Variants in AKAP10 observed in about 807,000 individuals in gnomAD.
The protein encoded by AKAP10 is A-kinase anchoring protein 10, also known as A-kinase anchor protein 10, mitochondrial.
A neutral mutation model predicts 80.8 loss-of-function variants in AKAP10; 24 were observed. The ratio of observed to expected loss-of-function variants is 0.30; its 90% CI spans 0.22 to 0.42. The LOEUF (loss-of-function observed/expected upper bound fraction) is 0.42, where lower values mean the gene tolerates loss of function less well. Ranked by LOEUF, AKAP10 falls within the 10% of genes least tolerant of loss-of-function variation. The pLI is 1.00. For missense variants in AKAP10, 661 were observed against 794.9 expected, an observed-to-expected ratio of 0.83 and a Z score of 2.03; for synonymous variants, 291 against 277.7, an observed-to-expected ratio of 1.05 and a Z score of -0.48.
At chr17:19,969,775 T>C (rs543034992) in intron 1 of AKAP10, among the ~76,000 whole-genome samples, 13 of 152,170 alleles carry the variant, frequency 8.5e-5, no homozygotes, top group African/African-American at 3.1e-4. Context: ...CTTCAAAAAG[T>C]CTACATTCAA....
In AKAP10 at chr17:19,976,215, G is replaced by A. The variant is rs1393563501; in HGVS notation, c.88+1377C>T. Among the ~76,000 whole-genome samples the A allele has an allele frequency of 2.6e-5, 4 of 152,002 alleles. No individual in the cohort carries two copies. In the East Asian group the frequency reaches 5.8e-4, roughly 22 times the overall value. On this transcript the variant is annotated intron_variant, in intron 1 of 14. Coordinates refer to ENST00000225737, the MANE Select transcript of AKAP10 (RefSeq NM_007202.4). ...CCAAAACCCATTTCTGGCTGGCCGC[G>A]GTGGCTCATGCCTGTAATCCTGGCA... is the stretch of plus-strand genomic sequence containing the variant.
intron 10 of AKAP10, among the ~76,000 whole-genome samples, chr17:19,925,623 A>T (rs1176953758): frequency 1.3e-5 from 2 of 152,206 alleles, no homozygotes; most frequent in Admixed American, 6.5e-5. Context: ...AAAATAAAAG[A>T]CATAAACAAG....
chr17:19,946,250 T>C (rs1418876481), intron 5 of AKAP10, among the ~76,000 whole-genome samples: 2 of 20,088 alleles, frequency 1.0e-4, no homozygotes, highest in Non-Finnish European at 1.8e-4. Context: ...TATATATATA[T>C]ATATATATAT....
intron 1 of AKAP10, among the ~76,000 whole-genome samples, chr17:19,976,319 C>T (rs1440951094): frequency 1.3e-5 from 2 of 151,840 alleles, no homozygotes; most frequent in Non-Finnish European, 2.9e-5. Flanking sequence ...CCCGTTTCTA[C>T]TAAAAATACA....
In AKAP10 at chr17:19,946,219, A is replaced by T. The variant is rs866643024; in HGVS notation, c.976+1188T>A. Among the ~76,000 whole-genome samples the T allele has an allele frequency of 2.1e-3, 55 of 26,700 alleles. 5 individuals carry two copies. The highest frequency in any genetic ancestry group is 7.0e-3 in the East Asian group (3 of 430). The allele number at this position is 26,700 out of a possible 152,430, so 17.5% of individuals were successfully genotyped here. On this transcript the variant is annotated intron_variant, in intron 5 of 14. Transcript: ENST00000225737. ...ATACATATATTTTATATATATATAT[A>T]TTTTATATATATATATATTATATAT... is the stretch of plus-strand genomic sequence containing the variant.
chr17:19,927,161 A>C (rs1399226518), intron 10 of AKAP10, among the ~76,000 whole-genome samples: 1 of 152,076 alleles, frequency 6.6e-6, no homozygotes, highest in Non-Finnish European at 1.5e-5. Context: ...ACACAGTAAG[A>C]TCTGTCTCTA....
intron 8 of AKAP10, among the ~76,000 whole-genome samples, chr17:19,937,264 G>T (rs2043002397): frequency 6.6e-6 from 1 of 152,218 alleles, no homozygotes; most frequent in Non-Finnish European, 1.5e-5. Context: ...CACTTTGGGA[G>T]GCAGTGGTGG....
chr17:19,962,734 TC>T lies in AKAP10; in HGVS notation c.319+105del. The T allele has an allele frequency of 5.0e-6, 6 of 1,191,570 alleles. No homozygotes were observed. The South Asian group carries it at 1.1e-4, about 21-fold the overall frequency. The allele number at this position is 1,191,570 out of a possible 1,614,324, so 73.8% of individuals were successfully genotyped here. A position where few individuals can be genotyped will look rare whatever the true frequency, so the allele number is the denominator to read the frequency against. ...TAGCTGTTATTTTAAATACATTTTT[TC>T]CAAAGCACTTTCCAATTATATAGTT... On this transcript the variant is annotated intron_variant, in intron 3 of 14. Coordinates refer to ENST00000225737, the MANE Select transcript of AKAP10 (RefSeq NM_007202.4).
intron 11 of AKAP10, among the ~76,000 whole-genome samples, chr17:19,923,844 C>T (rs1438206336): frequency 6.6e-6 from 1 of 152,158 alleles, no homozygotes; most frequent in Non-Finnish European, 1.5e-5. Context: ...TTACTTTCTA[C>T]TGAAAGTAAT....
At chr17:19,916,993 G>A (rs944054478) in intron 12 of AKAP10, among the ~76,000 whole-genome samples, 1 of 151,576 alleles carries the variant, frequency 6.6e-6, no homozygotes, top group South Asian at 2.1e-4. Context: ...GGCCAGGCAC[G>A]GTGGCTCACG....
intron 5 of AKAP10, among the ~76,000 whole-genome samples, chr17:19,946,325 G>T: frequency 9.5e-6 from 1 of 104,886 alleles, no homozygotes; most frequent in Non-Finnish European, 1.8e-5. Context: ...CATAAGAGAA[G>T]GCTGGTCCCA....
intron 3 of AKAP10, among the ~76,000 whole-genome samples, chr17:19,962,421 T>C (rs988166075): frequency 6.6e-6 from 1 of 152,136 alleles, no homozygotes; most frequent in Non-Finnish European, 1.5e-5. Flanking sequence ...TCCAAATTGC[T>C]TTCCAAAGAG....
At chr17:19,971,133 G>C (rs1429783900) in intron 1 of AKAP10, among the ~76,000 whole-genome samples, 1 of 151,672 alleles carries the variant, frequency 6.6e-6, no homozygotes, top group East Asian at 2.0e-4. Flanking sequence ...TTACAGGTGT[G>C]AGCCACCACA....
At chr17:19,962,291 CATAT>C (rs747097698) in intron 3 of AKAP10, among the ~76,000 whole-genome samples, 231 of 103,112 alleles carry the variant, frequency 2.2e-3, no homozygotes, top group East Asian at 8.9e-3. Context: ...TACATACATA[CATAT>C]ACACACACAC....
chr17:19,947,585 C>T (rs776837008), intron 4 of AKAP10, 80 bp from the exon 5 acceptor site: 10 of 936,164 alleles, frequency 1.1e-5, no homozygotes, highest in Non-Finnish European at 1.7e-5. Context: ...AATAGCAGGG[C>T]TTAGATCACT....
At chr17:19,911,696 G>T (rs1419932550) in intron 12 of AKAP10, among the ~76,000 whole-genome samples, 1 of 151,636 alleles carries the variant, frequency 6.6e-6, no homozygotes, top group Non-Finnish European at 1.5e-5. Context: ...TTAGCCAGGC[G>T]TGGTGGTGCA....
intron 5 of AKAP10, among the ~76,000 whole-genome samples, chr17:19,946,260 TATATATATATA>T (rs2043122845): frequency 7.2e-5 from 2 of 27,830 alleles, no homozygotes; most frequent in Non-Finnish European, 1.3e-4. Context: ...TATATATATA[TATATATATATA>T]TATATTTTTT....
intron 4 of AKAP10, among the ~76,000 whole-genome samples, chr17:19,953,712 T>C (rs965932225): frequency 2.0e-5 from 3 of 152,174 alleles, no homozygotes; most frequent in Non-Finnish European, 4.4e-5. Flanking sequence ...TCTGAATTCA[T>C]AGTTTAAAAT....
chr17:19,963,720 C>A (rs1197508759), intron 2 of AKAP10, among the ~76,000 whole-genome samples: 5 of 151,870 alleles, frequency 3.3e-5, no homozygotes, highest in Non-Finnish European at 7.4e-5. Flanking sequence ...CATGGTGAAA[C>A]CCTGTCTCTA....
Sources: gnomAD v4.1 joint callset for allele counts (sites outside exome capture counted in the v4.1 genomes callset) on GRCh38, gnomAD v4.1.1 for gene constraint, MANE v1.5 for transcripts, NCBI Gene and HGNC (gene_info 2026-07-23, HGNC 2026-07-21) for gene names.